CCDC170: variants seen among roughly 807,000 people sequenced by gnomAD.
CCDC170 encodes the protein coiled-coil domain containing 170, also known as coiled-coil domain-containing protein 170.
CCDC170 carries 69 observed loss-of-function variants against 72.6 expected under a neutral mutation model. The ratio of observed to expected loss-of-function variants is 0.95; its 90% CI spans 0.78 to 1.16. The LOEUF (loss-of-function observed/expected upper bound fraction) is 1.16, where lower values mean the gene tolerates loss of function less well. Ranked by LOEUF, CCDC170 falls within the 50% of genes most tolerant of loss-of-function variation. CCDC170 has a pLI of 0.00. For missense variants in CCDC170, 852 were observed against 832.5 expected (o/e 1.02, Z -0.29); for synonymous variants, 300 against 303.9 (o/e 0.99, Z 0.13).
intron 6 of CCDC170, among the ~76,000 whole-genome samples, chr6:151,583,243 T>G (rs995419189): frequency 6.6e-6 from 1 of 152,012 alleles, no homozygotes; most frequent in African/African-American, 2.4e-5. Context: ...TCCACCCACC[T>G]TGGCCTCCCA....
In CCDC170 at chr6:151,618,431, G is replaced by C. The variant is rs184282401; in HGVS notation, c.*284G>C. ...AAATGGGAGTGGGAGATAATATTGG[G>C]AGGTATCTATTTTAAGTCAGGGGCT... On this transcript the variant is annotated 3_prime_UTR_variant, in exon 11 of 11. Transcript: ENST00000239374. 4.2e-3 allele frequency: 1,636 copies of C among 389,766 alleles called. 7 individuals are homozygous for C. The highest frequency in any genetic ancestry group is 5.0e-3 in the Non-Finnish European group (1,075 of 214,850). The allele number at this position is 389,766 out of a possible 1,614,324, so 24.1% of individuals were successfully genotyped here.
intron 1 of CCDC170, among the ~76,000 whole-genome samples, chr6:151,521,676 C>T (rs1369824358): frequency 6.6e-6 from 1 of 152,148 alleles, no homozygotes; most frequent in African/African-American, 2.4e-5. Context: ...AGAACAAAAG[C>T]ATTCTTAGTT....
chr6:151,610,400 A>G (rs1055300478), intron 9 of CCDC170, among the ~76,000 whole-genome samples: 1 of 152,242 alleles, frequency 6.6e-6, no homozygotes, highest in African/African-American at 2.4e-5. Flanking sequence ...CAGGAATAGT[A>G]TAATGGATAC....
chr6:151,553,664 A>G (rs985858665), intron 5 of CCDC170, among the ~76,000 whole-genome samples: 4 of 152,164 alleles, frequency 2.6e-5, no homozygotes, highest in Non-Finnish European at 5.9e-5. Context: ...TGACTGATGC[A>G]ATGTTGTTCA....
intron 1 of CCDC170, among the ~76,000 whole-genome samples, chr6:151,516,159 G>C (rs1010356213): frequency 4.6e-5 from 7 of 152,032 alleles, no homozygotes; most frequent in African/African-American, 1.7e-4. Context: ...CTATACTAGA[G>C]TCAGGTTGGA....
At position 151,544,572 on chromosome 6, in the gene CCDC170, A is replaced by C. The variant is rs200650721; in HGVS notation, c.444A>C (p.Gln148His). ...GACTTATTTGTTATTTGCCTAACAG[A>C]AAGTGTTCAAAAGAAAATGAGGAGA... ...KKVVELNEKL[Q>H]KCSKENEENK... Residue 148 changes from glutamine (Q) to histidine (H), a missense_variant and splice_region_variant, in exon 4 of 11, where the codon CAA (glutamine) becomes CAC (histidine). Transcript: ENST00000239374. 8.9e-4 allele frequency: 1,428 copies of C among 1,609,328 alleles called. 3 individuals carry two copies. Among genetic ancestry groups the C allele is most frequent in the Non-Finnish European group, 1.2e-3 (1,376 of 1,176,342 alleles).
intron 9 of CCDC170, among the ~76,000 whole-genome samples, chr6:151,607,739 A>T (rs1444435531): frequency 6.6e-6 from 1 of 151,882 alleles, no homozygotes; most frequent in Non-Finnish European, 1.5e-5. Context: ...ATGTGACTTT[A>T]TGCTTTTCTT....
intron 1 of CCDC170, among the ~76,000 whole-genome samples, chr6:151,518,858 G>A (rs1279766724): frequency 6.6e-6 from 1 of 152,160 alleles, no homozygotes; most frequent in Non-Finnish European, 1.5e-5. Flanking sequence ...TGTACAAACA[G>A]GGAGCAGGTC....
intron 6 of CCDC170, among the ~76,000 whole-genome samples, chr6:151,580,158 G>T (rs893427757): frequency 2.0e-5 from 3 of 152,134 alleles, no homozygotes; most frequent in African/African-American, 4.8e-5. Context: ...AAATTCGGTG[G>T]TGTGCTGACT....
chr6:151,506,763 G>A (rs1782071844), intron 1 of CCDC170, among the ~76,000 whole-genome samples: 1 of 152,174 alleles, frequency 6.6e-6, no homozygotes, highest in South Asian at 2.1e-4. Flanking sequence ...TAAATCAATA[G>A]ACTGAAAGTA....
In CCDC170 at chr6:151,593,185, C is replaced by A; in HGVS notation, c.1372C>A (p.Leu458Met). 1.2e-6 allele frequency: 2 copies of A among 1,614,156 alleles called. No homozygotes were observed. The highest frequency in any genetic ancestry group is 1.7e-6 in the Non-Finnish European group (2 of 1,180,032). Residue 458 changes from leucine (L) to methionine (M), a missense_variant, in exon 8 of 11, where the codon CTG (leucine) becomes ATG (methionine). Physicochemically the swap from Leu to Met is conservative, Grantham distance 15. Coordinates refer to ENST00000239374, the MANE Select transcript of CCDC170 (RefSeq NM_025059.4). ...MAAELGFDMR[L>M]DVVLARTEQL... is the part of the protein sequence containing the mutation. ...TGCCGAACTTGGCTTTGACATGCGG[C>A]TGGACGTGGTTTTAGCTCGAACAGA...
At chr6:151,566,716 T>C (rs1776142257) in intron 5 of CCDC170, among the ~76,000 whole-genome samples, 1 of 152,194 alleles carries the variant, frequency 6.6e-6, no homozygotes, top group Non-Finnish European at 1.5e-5. Context: ...ACTATTATAC[T>C]CATAGCCTTC....
chr6:151,607,086 A>G (rs1232248249), intron 9 of CCDC170, among the ~76,000 whole-genome samples: 1 of 152,178 alleles, frequency 6.6e-6, no homozygotes, highest in Admixed American at 6.5e-5. Context: ...TAGACCATTT[A>G]CATTCAATGT....
At chr6:151,610,439 A>G (rs1234411324) in intron 9 of CCDC170, among the ~76,000 whole-genome samples, 1 of 152,166 alleles carries the variant, frequency 6.6e-6, no homozygotes, top group African/African-American at 2.4e-5. Flanking sequence ...GATTGTTAAT[A>G]TTTTACTGAT....
chr6:151,532,899 C>T (rs760528636), intron 1 of CCDC170, among the ~76,000 whole-genome samples: 2 of 152,170 alleles, frequency 1.3e-5, no homozygotes, highest in Non-Finnish European at 2.9e-5. Context: ...CCTGCTGCCA[C>T]TATTTTTTGT....
At chr6:151,521,481 T>G (rs1267883781) in intron 1 of CCDC170, among the ~76,000 whole-genome samples, 1 of 152,180 alleles carries the variant, frequency 6.6e-6, no homozygotes, top group East Asian at 1.9e-4. Flanking sequence ...TAACTCCATC[T>G]TGGATAGGGA....
chr6:151,564,325 G>T (rs1352077173), intron 5 of CCDC170, among the ~76,000 whole-genome samples: 5 of 152,150 alleles, frequency 3.3e-5, no homozygotes, highest in African/African-American at 1.2e-4. Context: ...GTGGTTGTTG[G>T]TGGAGTTGTG....
At chr6:151,599,359 C>T (rs1277880124) in intron 9 of CCDC170, among the ~76,000 whole-genome samples, 2 of 152,152 alleles carry the variant, frequency 1.3e-5, no homozygotes, top group Non-Finnish European at 2.9e-5. Context: ...TAGATTACCT[C>T]CTAGTGCTGT....
Position 151,585,936 on chromosome 6 carries a change from G to A in CCDC170, c.1140G>A (p.Leu380=). Residue 380 remains leucine (L), a synonymous_variant, in exon 7 of 11, where the codon TTG becomes TTA. Transcript: ENST00000239374. ...AAATATCTGAGCTTGTTGAACAGTTGGGAAAGGAGTCTGGGTTTCACCAGA... is the reference window on the plus strand; with the variant it reads ...AAATATCTGAGCTTGTTGAACAGTTAGGAAAGGAGTCTGGGTTTCACCAGA... ...EAQISELVEQ[L]GKESGFHQKA... is the part of the protein sequence containing the mutation. The A allele has an allele frequency of 6.2e-7, 1 of 1,613,880 alleles. No individual in the cohort carries two copies. The highest frequency in any genetic ancestry group is 8.5e-7 in the Non-Finnish European group (1 of 1,179,896).
Sources: gnomAD v4.1 joint callset for allele counts (sites outside exome capture counted in the v4.1 genomes callset) on GRCh38, gnomAD v4.1.1 for gene constraint, MANE v1.5 for transcripts, NCBI Gene and HGNC (gene_info 2026-07-23, HGNC 2026-07-21) for gene names.